Variants in JMY observed in about 807,000 individuals in gnomAD.
The protein encoded by JMY is junction-mediating and -regulatory protein.
A neutral mutation model predicts 103.3 loss-of-function variants in JMY; 46 were observed. The observed-to-expected ratio is 0.45, with a 90% confidence interval of 0.35 to 0.57. The LOEUF (loss-of-function observed/expected upper bound fraction) is 0.57. Among genes scored for constraint, JMY ranks in the 20% least tolerant of loss-of-function variants. The pLI is 0.00. For synonymous variants in JMY, 526 were observed against 489.3 expected, an observed-to-expected ratio of 1.07 and a Z score of -0.99; for missense variants, 1,238 against 1,255.2, an observed-to-expected ratio of 0.99 and a Z score of 0.21.
intron 1 of JMY, among the ~76,000 whole-genome samples, chr5:79,272,499 C>T (rs1025385680): frequency 8.0e-5 from 12 of 150,552 alleles, no homozygotes; most frequent in African/African-American, 2.7e-4. Flanking sequence ...TCTTTTTTCT[C>T]CTCTTCTTTT....
intron 1 of JMY, among the ~76,000 whole-genome samples, chr5:79,268,221 C>T (rs1041753706): frequency 1.3e-5 from 2 of 152,062 alleles, no homozygotes; most frequent in Non-Finnish European, 2.9e-5. Context: ...CCAGCCTGGG[C>T]AAGAGTGAGA....
intron 1 of JMY, among the ~76,000 whole-genome samples, chr5:79,257,010 G>A (rs1331522839): frequency 1.6e-5 from 2 of 128,478 alleles, no homozygotes; most frequent in Non-Finnish European, 3.5e-5. Context: ...CATCACCACT[G>A]CCTTTTTTTT....
intron 4 of JMY, among the ~76,000 whole-genome samples, chr5:79,293,851 C>A (rs937704678): frequency 6.6e-6 from 1 of 152,068 alleles, no homozygotes; most frequent in Non-Finnish European, 1.5e-5. Flanking sequence ...ATAGTATACT[C>A]CCCATCTAGA....
intron 4 of JMY, among the ~76,000 whole-genome samples, chr5:79,293,587 C>T (rs1346857203): frequency 6.6e-6 from 1 of 152,142 alleles, no homozygotes; most frequent in East Asian, 1.9e-4. Flanking sequence ...CATTCTTACC[C>T]CTTTTAGGTC....
In JMY at chr5:79,304,996, C is replaced by G. The variant is rs1035972611; in HGVS notation, c.1882-1379C>G. Among the ~76,000 whole-genome samples the G allele has an allele frequency of 2.0e-5, 3 of 152,220 alleles. No individual in the cohort carries two copies. In the South Asian group the frequency reaches 6.2e-4, roughly 32 times the overall value. On this transcript the variant is annotated intron_variant, in intron 6 of 10. Transcript: ENST00000396137. The stretch of plus-strand genomic sequence containing the variant: ...CTGTATCACCAAGTCATGACATTAT[C>G]TAACACGCCCTTTGTTTTCCCCATT...
chr5:79,272,954 C>T (rs1470784856), intron 1 of JMY, among the ~76,000 whole-genome samples: 1 of 152,142 alleles, frequency 6.6e-6, no homozygotes, highest in Non-Finnish European at 1.5e-5. Flanking sequence ...ACTTAAGAAC[C>T]CATATGTGTC....
At chr5:79,306,862 T>G (rs926597014) in intron 7 of JMY, among the ~76,000 whole-genome samples, 4 of 152,234 alleles carry the variant, frequency 2.6e-5, no homozygotes, top group Admixed American at 2.6e-4. Context: ...AATCTGCTAT[T>G]ATAGTATCAT....
chr5:79,298,229 C>G (rs1288507261), intron 4 of JMY, among the ~76,000 whole-genome samples: 1 of 152,146 alleles, frequency 6.6e-6, no homozygotes, highest in East Asian at 1.9e-4. Context: ...GGAAAGTAAT[C>G]TTAGATTAAG....
intron 1 of JMY, among the ~76,000 whole-genome samples, chr5:79,273,372 G>C (rs890630437): frequency 2.6e-5 from 4 of 152,074 alleles, no homozygotes; most frequent in Admixed American, 2.6e-4. Flanking sequence ...ATTGTTTCTA[G>C]TTTGTAGTCA....
At chr5:79,263,363 A>G (rs1404717593) in intron 1 of JMY, among the ~76,000 whole-genome samples, 1 of 152,128 alleles carries the variant, frequency 6.6e-6, no homozygotes, top group Non-Finnish European at 1.5e-5. Context: ...GTATCCTTGA[A>G]TATGCACGGT....
At chr5:79,312,075 C>T (rs527475334) in intron 7 of JMY, among the ~76,000 whole-genome samples, 1 of 152,118 alleles carries the variant, frequency 6.6e-6, no homozygotes, top group Non-Finnish European at 1.5e-5. Flanking sequence ...CCTCAGCCTC[C>T]CAAAGTGCTA....
Position 79,248,612 on chromosome 5 carries a change from T to C in JMY, c.1032+10930T>C, listed in dbSNP as rs567370129. Among the ~76,000 whole-genome samples the C allele has an allele frequency of 2.0e-5, 3 of 152,120 alleles. No homozygotes were observed. The East Asian group carries it at 5.8e-4, about 29-fold the overall frequency. ...GCTTGAGCCACCGCGCCGGCCTCCTTCTTATAATTATAGTAAATAATTACC... is the reference window on the plus strand; with the variant it reads ...GCTTGAGCCACCGCGCCGGCCTCCTCCTTATAATTATAGTAAATAATTACC... On this transcript the variant is annotated intron_variant, in intron 1 of 10. Coordinates refer to ENST00000396137, the MANE Select transcript of JMY (RefSeq NM_152405.5).
chr5:79,297,205 G>T (rs559398328), intron 4 of JMY, among the ~76,000 whole-genome samples: 1 of 152,286 alleles, frequency 6.6e-6, no homozygotes, highest in South Asian at 2.1e-4. Context: ...CTGGTATCCT[G>T]ATACTTGAAG....
At chr5:79,249,368 T>C (rs778249426) in intron 1 of JMY, among the ~76,000 whole-genome samples, 1 of 152,200 alleles carries the variant, frequency 6.6e-6, no homozygotes, top group Non-Finnish European at 1.5e-5. Flanking sequence ...GAAAATTTCA[T>C]GGGAATGAAT....
At chr5:79,251,071 T>G (rs1032957793) in intron 1 of JMY, among the ~76,000 whole-genome samples, 3 of 152,186 alleles carry the variant, frequency 2.0e-5, no homozygotes, top group Non-Finnish European at 4.4e-5. Flanking sequence ...TATGCTGATT[T>G]TTTTAACAAG....
rs1246163053 is a variant in JMY, at chr5:79,325,226, G to C, written c.*3624G>C. The C allele has an allele frequency of 6.6e-6, 1 of 152,066 alleles. No individual in the cohort carries two copies. Among genetic ancestry groups the C allele is most frequent in the Non-Finnish European group, 1.5e-5 (1 of 67,982 alleles). The allele number at this position is 152,066 out of a possible 1,614,324, so 9.4% of individuals were successfully genotyped here. On this transcript the variant is annotated 3_prime_UTR_variant, in exon 11 of 11. Coordinates refer to ENST00000396137, the MANE Select transcript of JMY (RefSeq NM_152405.5). ...GGCAAAGCTAAATACAAGGTTTTTG[G>C]GGTTTTCTTTTTTCAGCTTTATTAT...
At chr5:79,255,918 C>T (rs1384554078) in intron 1 of JMY, among the ~76,000 whole-genome samples, 1 of 152,242 alleles carries the variant, frequency 6.6e-6, no homozygotes, top group Non-Finnish European at 1.5e-5. Flanking sequence ...CCAAGGCCTG[C>T]TATAACCACT....
In JMY at chr5:79,290,238, A is replaced by C; in HGVS notation, c.1324A>C (p.Lys442Gln). The C allele has an allele frequency of 6.5e-7, 1 of 1,529,696 alleles. No homozygotes were observed. The highest frequency in any genetic ancestry group is 1.3e-5 in the South Asian group (1 of 74,554). The allele number at this position is 1,529,696 out of a possible 1,614,324, so 94.8% of individuals were successfully genotyped here. The change falls in exon 3 of 11, where the codon AAG becomes CAG. Residue 442 changes from lysine to glutamine, a missense_variant. Lys to Gln is a moderately conservative substitution (Grantham distance 53, BLOSUM62 1). Coordinates refer to ENST00000396137, the MANE Select transcript of JMY (RefSeq NM_152405.5). ...AVLSIQDLTVKYFEITAKAQK... is the reference protein window; with the variant it reads ...AVLSIQDLTVQYFEITAKAQK... ...ACTGTCTATTCAAGATCTTACTGTC[A>C]AGTACTTTGAAATAACAGCTAAAGC...
intron 5 of JMY, 49 bp downstream of exon 5, chr5:79,300,367 A>T: frequency 1.4e-6 from 2 of 1,443,976 alleles, no homozygotes; most frequent in Non-Finnish European, 1.8e-6. Context: ...TGAATACATG[A>T]GAAAATACTT....
Sources: gnomAD v4.1 joint callset for allele counts (sites outside exome capture counted in the v4.1 genomes callset) on GRCh38, gnomAD v4.1.1 for gene constraint, MANE v1.5 for transcripts, NCBI Gene and HGNC (gene_info 2026-07-23, HGNC 2026-07-21) for gene names.